The following VDAC2 variants were observed in gnomAD, a reference collection of about 807,000 sequenced individuals.
VDAC2 encodes the protein voltage dependent anion channel 2.
Under a neutral mutation model 36.6 loss-of-function variants are expected in VDAC2, and 6 were observed. The ratio of observed to expected loss-of-function variants is 0.16; its 90% CI spans 0.09 to 0.32. The LOEUF is 0.32. Ranked by LOEUF, VDAC2 falls within the 10% of genes least tolerant of loss-of-function variation. The pLI is 1.00. For missense variants in VDAC2, 247 were observed against 346.0 expected (o/e 0.71, Z 2.27); for synonymous variants, 109 against 123.8 (o/e 0.88, Z 0.79).
chr10:75,229,590 G>A, intron 8 of VDAC2, 54 bp from the exon 9 acceptor site: 1 of 1,383,194 alleles, frequency 7.2e-7, no homozygotes, highest in Non-Finnish European at 1.0e-6. Flanking sequence ...ACATGTAGGG[G>A]CTTTGTCTCT....
At chr10:75,224,459 T>G (rs1029018856) in intron 8 of VDAC2, among the ~76,000 whole-genome samples, 1 of 151,868 alleles carries the variant, frequency 6.6e-6, no homozygotes, top group African/African-American at 2.4e-5. Flanking sequence ...GGATGGGAAA[T>G]GAGGAACTTT....
At chr10:75,215,620 GGGATTACA>G (rs1841578003) in intron 4 of VDAC2, among the ~76,000 whole-genome samples, 1 of 152,076 alleles carries the variant, frequency 6.6e-6, no homozygotes, top group African/African-American at 2.4e-5. Context: ...CCAAAGTGCT[GGGATTACA>G]GGCGTGAGCC....
At chr10:75,216,984 G>C (rs923639491) in intron 4 of VDAC2, among the ~76,000 whole-genome samples, 2 of 152,194 alleles carry the variant, frequency 1.3e-5, no homozygotes, top group African/African-American at 4.8e-5. Flanking sequence ...GCTGGTCACA[G>C]TGGCTCATTC....
intron 8 of VDAC2, 150 bp from the exon 9 acceptor site, chr10:75,229,494 C>G (rs1842046584): frequency 1.8e-6 from 1 of 554,498 alleles, no homozygotes; most frequent in Non-Finnish European, 3.1e-6. Flanking sequence ...TAAATAGTAC[C>G]TGGTTTGTTT....
In VDAC2 at chr10:75,220,664, A is replaced by AT. The variant is rs199508974; in HGVS notation, c.357-76dup. On this transcript the variant is annotated intron_variant, in intron 6 of 9. Transcript: ENST00000332211. ...TTACTCCCTGGTCATACTGCAGTTT[A>AT]TTTAAGTCTGTTTTGTGCTCTCTTG... The AT allele has an allele frequency of 1.4e-4, 172 of 1,273,554 alleles. No individual in the cohort carries two copies. The East Asian group carries it at 3.8e-3, about 28-fold the overall frequency. 78.9% of individuals were successfully genotyped at this position (1,273,554 alleles called of 1,614,324 possible). A position where few individuals can be genotyped will look rare whatever the true frequency, so the allele number is the denominator to read the frequency against.
intron 8 of VDAC2, among the ~76,000 whole-genome samples, chr10:75,226,872 G>C (rs1279673013): frequency 6.6e-6 from 1 of 152,212 alleles, no homozygotes; most frequent in Non-Finnish European, 1.5e-5. Flanking sequence ...CTGGTTGCTA[G>C]GGAACAAACC....
intron 6 of VDAC2, among the ~76,000 whole-genome samples, chr10:75,220,263 G>T (rs528507983): frequency 6.6e-6 from 1 of 152,020 alleles, no homozygotes; most frequent in Non-Finnish European, 1.5e-5. Context: ...ATGCCACCGT[G>T]CCTGGCTAAA....
intron 8 of VDAC2, among the ~76,000 whole-genome samples, chr10:75,228,546 C>T (rs903027668): frequency 6.6e-6 from 1 of 152,214 alleles, no homozygotes; most frequent in Non-Finnish European, 1.5e-5. Flanking sequence ...TCAGCCACTG[C>T]GCCAGGCCTG....
chr10:75,220,991 A>G (rs1225764325), intron 7 of VDAC2, 21 bp downstream of exon 7: 1 of 1,601,992 alleles, frequency 6.2e-7, no homozygotes, highest in Non-Finnish European at 8.5e-7. Flanking sequence ...CTTTCATAGG[A>G]TACTGTGATG....
intron 4 of VDAC2, among the ~76,000 whole-genome samples, chr10:75,218,760 CAA>C (rs60291807): frequency 4.6e-5 from 6 of 131,810 alleles, no homozygotes; most frequent in African/African-American, 8.3e-5. Flanking sequence ...GACTCTGTCT[CAA>C]AAAAAAAAAA....
At chr10:75,210,970 GGGCCTAGGCCGCGGCGGCCAA>G in intron 1 of VDAC2, 32 bp downstream of exon 1, 1 of 531,670 alleles carries the variant, frequency 1.9e-6, no homozygotes, top group Non-Finnish European at 3.1e-6. Context: ...GCCGACCCAG[GGGCCTAGGCCGCGGCGGCCAA>G]GCCGGAGGCC....
At chr10:75,212,673 G>C (rs970364956) in intron 3 of VDAC2, among the ~76,000 whole-genome samples, 2 of 152,166 alleles carry the variant, frequency 1.3e-5, no homozygotes, top group African/African-American at 2.4e-5. Flanking sequence ...TTACGTTACA[G>C]ACATGAGCCA....
intron 3 of VDAC2, among the ~76,000 whole-genome samples, chr10:75,213,007 C>T (rs556051070): frequency 1.2e-3 from 187 of 152,270 alleles, no homozygotes; most frequent in Non-Finnish European, 1.9e-3. Flanking sequence ...ACCCTCCTCC[C>T]CTTTATTTAG....
rs749837778 is a variant in VDAC2, at chr10:75,214,042, A to G, written c.122A>G (p.Asp41Gly). The G allele has an allele frequency of 3.7e-6, 6 of 1,613,234 alleles. No homozygotes were observed. Among genetic ancestry groups the G allele is most frequent in the Non-Finnish European group, 5.1e-6 (6 of 1,179,574 alleles). Reference protein sequence around the residue: ...KGFGFGLVKLDVKTKSCSGVE... With the variant: ...KGFGFGLVKLGVKTKSCSGVE... ...GAAGGTTTTGGGTTGGTGAAACTGGATGTGAAAACAAAGTCTTGCAGTGGC... is the reference window on the plus strand; with the variant it reads ...GAAGGTTTTGGGTTGGTGAAACTGGGTGTGAAAACAAAGTCTTGCAGTGGC... Residue 41 changes from aspartate (D) to glycine (G), a missense_variant, in exon 4 of 10, where the codon GAT (aspartate) becomes GGT (glycine). By Grantham distance (94) the Asp-to-Gly change is moderately conservative (BLOSUM62 -1). This residue lies in a region of VDAC2 where 76 missense variants were observed against 76.9 expected (regional missense o/e 0.99). Coordinates refer to ENST00000332211, the MANE Select transcript of VDAC2 (RefSeq NM_001391963.1).
Position 75,211,195 on chromosome 10 carries a change from T to C in VDAC2, c.31+6T>C. 1 of 1,613,042 alleles carries C rather than the reference T, an allele frequency of 6.2e-7. No homozygotes were observed. The highest frequency in any genetic ancestry group is 8.5e-7 in the Non-Finnish European group (1 of 1,179,616). ...CGGACAGACTTGCGCGCGTCGTAAG[T>C]AAAGCTGGGATCTCTGCGGGATGGG... is the stretch of plus-strand genomic sequence containing the variant. On this transcript the variant is annotated splice_donor_region_variant and intron_variant, in intron 2 of 9. Coordinates refer to ENST00000332211, the MANE Select transcript of VDAC2 (RefSeq NM_001391963.1).
rs367703252 is a variant in VDAC2, at chr10:75,229,749, T to G, written c.793+48T>G. The G allele has an allele frequency of 3.4e-6, 5 of 1,468,690 alleles. No homozygotes were observed. The East Asian group carries it at 9.6e-5, about 28-fold the overall frequency. 91.0% of individuals were successfully genotyped at this position (1,468,690 alleles called of 1,614,324 possible). A position where few individuals can be genotyped will look rare whatever the true frequency, so the allele number is the denominator to read the frequency against. ...GATTGTTTTGATAGTATTAAAAAAT[T>G]TAGTTTTCATTCTTCAGCTTACTTT... is the stretch of plus-strand genomic sequence containing the variant. On this transcript the variant is annotated intron_variant, in intron 9 of 9. Coordinates refer to ENST00000332211, the MANE Select transcript of VDAC2 (RefSeq NM_001391963.1).
intron 4 of VDAC2, among the ~76,000 whole-genome samples, chr10:75,217,681 C>T (rs1841648947): frequency 1.3e-5 from 2 of 152,110 alleles, no homozygotes; most frequent in Admixed American, 6.6e-5. Context: ...CCCAGCCAGT[C>T]CAGTGCTTTT....
chr10:75,229,806 A>C, intron 9 of VDAC2, 105 bp downstream of exon 9: 1 of 828,568 alleles, frequency 1.2e-6, no homozygotes, highest in Non-Finnish European at 1.9e-6. Context: ...AAGAGTTGAA[A>C]GAAGAGTACA....
intron 2 of VDAC2, chr10:75,211,474 C>T: frequency 1.3e-6 from 2 of 1,520,584 alleles, no homozygotes; most frequent in Non-Finnish European, 1.8e-6. Context: ...GGGATTCTGC[C>T]TTTGGAGGAT....
Sources: allele counts gnomAD v4.1 joint callset (sites outside exome capture counted in the v4.1 genomes callset), GRCh38; gene constraint gnomAD v4.1.1; regional missense constraint gnomAD v4.1.1; transcripts MANE v1.5; gene names NCBI Gene and HGNC (gene_info 2026-07-23, HGNC 2026-07-21).